LRRC8A: variants seen among roughly 807,000 people sequenced by gnomAD.
LRRC8A encodes leucine rich repeat containing 8 VRAC subunit A.
A neutral mutation model predicts 52.5 loss-of-function variants in LRRC8A; 24 were observed. That is an observed-to-expected ratio of 0.46 (90% CI 0.33 to 0.64). The LOEUF is 0.64. Ranked by LOEUF, LRRC8A falls within the 30% of genes least tolerant of loss-of-function variation. The pLI is 0.02. For synonymous variants in LRRC8A, 492 were observed against 494.2 expected (o/e 1.00, Z 0.06); for missense variants, 677 against 1,094.7 (o/e 0.62, Z 5.38).
intron 3 of LRRC8A, among the ~76,000 whole-genome samples, chr9:128,914,185 G>A (rs1396372587): frequency 6.6e-6 from 1 of 151,954 alleles, no homozygotes; most frequent in Non-Finnish European, 1.5e-5. Flanking sequence ...CTGGGTGACA[G>A]AGTGAGACTC....
At chr9:128,909,459 A>C in intron 3 of LRRC8A, 138 bp downstream of exon 3, 1 of 809,522 alleles carries the variant, frequency 1.2e-6, no homozygotes, top group Non-Finnish European at 2.0e-6. Context: ...GGTTTACAGA[A>C]CCATCCAGGA....
At chr9:128,910,852 C>G (rs1247031203) in intron 3 of LRRC8A, among the ~76,000 whole-genome samples, 1 of 152,234 alleles carries the variant, frequency 6.6e-6, no homozygotes, top group Non-Finnish European at 1.5e-5. Context: ...ACCCTCCCCT[C>G]TGCAGCCTCC....
Position 128,909,285 on chromosome 9 carries a change from G to GCAGAACCTC in LRRC8A, c.2130_2138dup (p.Gln711_Leu713dup). The GCAGAACCTC allele has an allele frequency of 6.2e-7, 1 of 1,613,734 alleles. No individual in the cohort carries two copies. The highest frequency in any genetic ancestry group is 8.5e-7 in the Non-Finnish European group (1 of 1,180,026). Reference sequence around the variant, plus strand: ...TCCTCCCTGCCGACATCGGCCTCCTGCAGAACCTCCAGAACCTAGCCATCA... The same window carrying GCAGAACCTC: ...TCCTCCCTGCCGACATCGGCCTCCTGCAGAACCTCCAGAACCTCCAGAACCTAGCCATCA... On this transcript the variant is annotated inframe_insertion, in exon 3 of 4. Transcript: ENST00000372600.
chr9:128,904,388 G>T (rs1381929122), intron 2 of LRRC8A, among the ~76,000 whole-genome samples: 2 of 151,608 alleles, frequency 1.3e-5, no homozygotes, highest in Non-Finnish European at 3.0e-5. Flanking sequence ...GCGTGGTAGC[G>T]TGTGCCTGTA....
chr9:128,898,294 C>T lies in LRRC8A; in HGVS notation c.-8-8863C>T, dbSNP rs539588755. Among the ~76,000 whole-genome samples, 34 of 152,244 alleles carry T rather than the reference C, an allele frequency of 2.2e-4. 1 individual carries two copies. The South Asian group carries it at 4.3e-3, about 19-fold the overall frequency. On this transcript the variant is annotated intron_variant, in intron 2 of 3. Coordinates refer to ENST00000372600, the MANE Select transcript of LRRC8A (RefSeq NM_019594.4). ...GGAGGGCAGTGGTGCGATCTTAGCT[C>T]ACTGCAACCTCCACCACCTGGGTTC...
chr9:128,904,870 T>C (rs891634344), intron 2 of LRRC8A, among the ~76,000 whole-genome samples: 35 of 151,614 alleles, frequency 2.3e-4, no homozygotes, highest in African/African-American at 6.5e-4. Context: ...GGTGGGCGGG[T>C]GCCTGTAGTC....
chr9:128,883,720 A>G (rs1243085084), intron 1 of LRRC8A, among the ~76,000 whole-genome samples: 1 of 152,132 alleles, frequency 6.6e-6, no homozygotes, highest in African/African-American at 2.4e-5. Flanking sequence ...CACGCCTGTA[A>G]TCCCAGCACG....
At chr9:128,913,716 C>T (rs1300248971) in intron 3 of LRRC8A, among the ~76,000 whole-genome samples, 2 of 152,176 alleles carry the variant, frequency 1.3e-5, no homozygotes, top group Non-Finnish European at 2.9e-5. Context: ...CATGTGTCAG[C>T]AGAGGAGATC....
At chr9:128,894,309 C>T (rs781217841) in intron 2 of LRRC8A, among the ~76,000 whole-genome samples, 1 of 151,476 alleles carries the variant, frequency 6.6e-6, no homozygotes, top group Non-Finnish European at 1.5e-5. Flanking sequence ...CGATGAAACC[C>T]CGTCTGTACT....
chr9:128,887,544 T>C, intron 2 of LRRC8A, among the ~76,000 whole-genome samples: 1 of 152,158 alleles, frequency 6.6e-6, no homozygotes, highest in East Asian at 1.9e-4. Flanking sequence ...AGGGGTATAT[T>C]CTTCCACATC....
At chr9:128,906,889 A>G (rs918146935) in intron 2 of LRRC8A, among the ~76,000 whole-genome samples, 2 of 152,208 alleles carry the variant, frequency 1.3e-5, no homozygotes, top group South Asian at 2.1e-4. Context: ...GGATCTGTCT[A>G]ATCTCACTGT....
At chr9:128,897,916 G>A (rs948575633) in intron 2 of LRRC8A, among the ~76,000 whole-genome samples, 81 of 149,874 alleles carry the variant, frequency 5.4e-4, no homozygotes, top group Admixed American at 1.4e-3. Context: ...GCAGTGGCTC[G>A]CGACATTGCA....
chr9:128,907,088 C>A lies in LRRC8A; in HGVS notation c.-8-69C>A, dbSNP rs1027230914. 3.2e-6 allele frequency: 4 copies of A among 1,241,098 alleles called. 1 individual carries two copies. The South Asian group carries it at 5.5e-5, about 17-fold the overall frequency. The allele number at this position is 1,241,098 out of a possible 1,614,324, so 76.9% of individuals were successfully genotyped here. On this transcript the variant is annotated intron_variant, in intron 2 of 3. Coordinates refer to ENST00000372600, the MANE Select transcript of LRRC8A (RefSeq NM_019594.4). This position sits in a 1 kb window ranked among gnomAD's most constrained non-coding sequence, Gnocchi z 9.3. ...ATGGAAGAATTTTCATTGTCTTCTT[C>A]CCCTGACCCCTGGTCCTAGGAAAGC...
intron 2 of LRRC8A, among the ~76,000 whole-genome samples, chr9:128,886,510 T>G (rs923305877): frequency 9.8e-5 from 15 of 152,318 alleles, no homozygotes; most frequent in African/African-American, 3.4e-4. Context: ...AAACAAAGAC[T>G]TCTTGTTATC....
At chr9:128,906,061 A>C (rs1031525183) in intron 2 of LRRC8A, among the ~76,000 whole-genome samples, 1 of 152,198 alleles carries the variant, frequency 6.6e-6, no homozygotes, top group Non-Finnish European at 1.5e-5. Context: ...GGAGCCTGTC[A>C]TTAAGACCCA....
At position 128,889,547 on chromosome 9, in the gene LRRC8A, G is replaced by A. The variant is rs557122382; in HGVS notation, c.-9+3426G>A. 4.0e-5 allele frequency among the ~76,000 whole-genome samples: 6 copies of A among 151,802 alleles called. No individual in the cohort carries two copies. In the South Asian group the frequency reaches 8.4e-4, roughly 21 times the overall value. On this transcript the variant is annotated intron_variant, in intron 2 of 3. Transcript: ENST00000372600. ...GTGTTGCTCTGTCACCCAGGCTGGA[G>A]TGCAGTGGCACAATCTTGCTCACTG...
At chr9:128,905,678 A>G (rs890580872) in intron 2 of LRRC8A, among the ~76,000 whole-genome samples, 3 of 152,120 alleles carry the variant, frequency 2.0e-5, no homozygotes, top group African/African-American at 7.2e-5. Context: ...CCTTGTCTCT[A>G]CTAAAAAACA....
At position 128,885,720 on chromosome 9, in the gene LRRC8A, T is replaced by TC. The variant is rs1217752920; in HGVS notation, c.-115-295_-115-294insC. 1.4e-4 allele frequency among the ~76,000 whole-genome samples: 22 copies of TC among 152,190 alleles called. 1 individual carries two copies. The East Asian group carries it at 3.1e-3, about 21-fold the overall frequency. On this transcript the variant is annotated intron_variant, in intron 1 of 3. Transcript: ENST00000372600. ...GTTAGGAGTTTGAGAGCAGCCTGGCTAACATGGGGAAACGCTGTCTCTACT... is the reference window on the plus strand; with the variant it reads ...GTTAGGAGTTTGAGAGCAGCCTGGCTCAACATGGGGAAACGCTGTCTCTACT...
chr9:128,889,961 C>T (rs768983558), intron 2 of LRRC8A, among the ~76,000 whole-genome samples: 36 of 151,894 alleles, frequency 2.4e-4, no homozygotes, highest in Admixed American at 7.9e-4. Context: ...CACCACCACG[C>T]CTGGCTAATT....
Sources: gnomAD v4.1 joint callset for allele counts (sites outside exome capture counted in the v4.1 genomes callset) on GRCh38, gnomAD v4.1.1 for gene constraint, Gnocchi (gnomAD v3.1) non-coding constraint, MANE v1.5 for transcripts, NCBI Gene and HGNC (gene_info 2026-07-23, HGNC 2026-07-21) for gene names.